Variants in KDM3A observed in about 807,000 individuals in gnomAD.
KDM3A encodes lysine demethylase 3A.
A neutral mutation model predicts 158.0 loss-of-function variants in KDM3A; 60 were observed. That is an observed-to-expected ratio of 0.38 (90% CI 0.31 to 0.47). KDM3A has a LOEUF of 0.47. Ranked by LOEUF, KDM3A falls within the 20% of genes least tolerant of loss-of-function variation. The pLI, the probability that KDM3A is intolerant of heterozygous loss-of-function variation, is 0.99. For synonymous variants in KDM3A, 608 were observed against 549.3 expected (o/e 1.11, Z -1.49); for missense variants, 1,319 against 1,574.3 (o/e 0.84, Z 2.74).
At chr2:86,483,066 C>T (rs1207286670) in intron 18 of KDM3A, 4 of 222,086 alleles carry the variant, frequency 1.8e-5, no homozygotes, top group Admixed American at 5.4e-5. Context: ...ACCCCTCTTA[C>T]CTGAATGAAA....
intron 20 of KDM3A, 104 bp from the exon 21 acceptor site, chr2:86,485,625 C>T: frequency 7.4e-7 from 1 of 1,355,570 alleles, no homozygotes; most frequent in East Asian, 2.4e-5. Context: ...TGCATGATCA[C>T]AGATGGATTT....
chr2:86,468,653 C>T (rs886764798), intron 10 of KDM3A, among the ~76,000 whole-genome samples: 7 of 152,126 alleles, frequency 4.6e-5, no homozygotes, highest in African/African-American at 1.4e-4. Context: ...GACTTCTGAG[C>T]TGTGTCCACT....
rs1231064821 is a variant in KDM3A at position 86,480,358 on chromosome 2, C to T, written c.2508C>T (p.Asn836=). Residue 836 remains asparagine, a synonymous_variant, in exon 16 of 26, where the codon AAC becomes AAT. Transcript: ENST00000312912. ...CCAGCGGGAATGTCAACAAGGAAAACAAGGGTGAGTGTTTCCTGCTTTTGT... is the reference window on the plus strand; with the variant it reads ...CCAGCGGGAATGTCAACAAGGAAAATAAGGGTGAGTGTTTCCTGCTTTTGT... The part of the protein sequence containing the change: ...DLTSGNVNKE[N]KEKQPTMPIL... 3 of 1,610,782 alleles carry T rather than the reference C, an allele frequency of 1.9e-6. No homozygotes were observed. In the Admixed American group the frequency reaches 5.0e-5, roughly 27 times the overall value.
intron 25 of KDM3A, 67 bp from the exon 26 acceptor site, chr2:86,491,972 G>T: frequency 1.0e-6 from 1 of 999,870 alleles, no homozygotes; most frequent in East Asian, 2.5e-5. Flanking sequence ...GTAGGAGGAA[G>T]CTTATTCTTA....
At chr2:86,453,886 C>T (rs1672576499) in intron 4 of KDM3A, among the ~76,000 whole-genome samples, 1 of 152,158 alleles carries the variant, frequency 6.6e-6, no homozygotes, top group Admixed American at 6.5e-5. Flanking sequence ...AAGCATAAAG[C>T]CCTGATATTG....
chr2:86,447,614 C>G (rs1471629240), intron 2 of KDM3A, among the ~76,000 whole-genome samples: 2 of 152,098 alleles, frequency 1.3e-5, no homozygotes, highest in Non-Finnish European at 2.9e-5. Context: ...CATACACTGT[C>G]TTTTAAAATA....
chr2:86,489,798 G>C (rs1674369724), intron 23 of KDM3A, 139 bp downstream of exon 23: 1 of 828,784 alleles, frequency 1.2e-6, no homozygotes, highest in African/African-American at 1.7e-5. Flanking sequence ...GATTGAATAG[G>C]CTGAAGGTGG....
intron 2 of KDM3A, chr2:86,443,310 C>T (rs1682818631): frequency 6.6e-6 from 1 of 152,196 alleles, no homozygotes; most frequent in Non-Finnish European, 1.5e-5. Context: ...ATGTTGATTT[C>T]TGAAACACTG....
At chr2:86,471,323 G>A (rs1321390739) in intron 11 of KDM3A, among the ~76,000 whole-genome samples, 1 of 151,426 alleles carries the variant, frequency 6.6e-6, no homozygotes, top group African/African-American at 2.4e-5. Context: ...ATGTGTATAT[G>A]TGTATGTGTG....
At position 86,484,909 on chromosome 2, in the gene KDM3A, A is replaced by G. The variant is rs745928585; in HGVS notation, c.3095-33A>G. ...TTATTTTGGTCTGTTTCTGAATTAT[A>G]AATAGTAATAGTTCATTCTGTTTAC... On this transcript the variant is annotated intron_variant, in intron 19 of 25. Coordinates refer to ENST00000312912, the MANE Select transcript of KDM3A (RefSeq NM_018433.6). 1.5e-6 allele frequency: 2 copies of G among 1,323,648 alleles called. 1 individual carries two copies. Among genetic ancestry groups the G allele is most frequent in the South Asian group, 2.4e-5 (2 of 83,074 alleles). 82.0% of individuals were successfully genotyped at this position (1,323,648 alleles called of 1,614,324 possible). A position where few individuals can be genotyped will look rare whatever the true frequency, so the allele number is the denominator to read the frequency against.
At chr2:86,485,549 G>A (rs1390904856) in intron 20 of KDM3A, among the ~76,000 whole-genome samples, 180 bp from the exon 21 acceptor site, 1 of 152,220 alleles carries the variant, frequency 6.6e-6, no homozygotes, top group African/African-American at 2.4e-5. Context: ...GTGTGTTGTA[G>A]GAGAGAGAGA....
chr2:86,457,253 C>T (rs1266605968), intron 8 of KDM3A, among the ~76,000 whole-genome samples, 182 bp downstream of exon 8: 2 of 152,074 alleles, frequency 1.3e-5, no homozygotes, highest in East Asian at 1.9e-4. Context: ...ACTCCTGCCT[C>T]CATAGTAGCT....
chr2:86,490,809 T>A (rs890615810), intron 23 of KDM3A, 72 bp from the exon 24 acceptor site: 2 of 1,195,428 alleles, frequency 1.7e-6, no homozygotes, highest in Non-Finnish European at 2.4e-6. Flanking sequence ...GCCAACACTG[T>A]TTAGAGGAAA....
At chr2:86,468,118 G>C (rs553984843) in intron 10 of KDM3A, among the ~76,000 whole-genome samples, 1 of 152,268 alleles carries the variant, frequency 6.6e-6, no homozygotes, top group African/African-American at 2.4e-5. Context: ...TTAACTGCAG[G>C]CCTCTGTGAA....
At chr2:86,440,664 C>T (rs1034064590), upstream of KDM3A, 5 of 152,258 alleles carry the variant, frequency 3.3e-5, no homozygotes, top group Admixed American at 1.3e-4. Context: ...AGTAACTCCA[C>T]GCCTTTCTTC....
intron 25 of KDM3A, 168 bp from the exon 26 acceptor site, chr2:86,491,871 T>C: frequency 3.4e-6 from 2 of 592,540 alleles, no homozygotes; most frequent in Non-Finnish European, 6.0e-6. Context: ...GTATGTGAAA[T>C]ACTGGTCTGA....
rs780630453 is a variant in KDM3A, at chr2:86,489,364, C to CTTAGATGTATCTGATGCAG, written c.3361_3379dup (p.Ala1127ValfsTer5). The stretch of plus-strand genomic sequence containing the variant: ...GGAAATATGGAACAACAAATCTTCA[C>CTTAGATGTATCTGATGCAG]TTAGATGTATCTGATGCAGCTAATG... On this transcript the variant is annotated frameshift_variant, in exon 22 of 26. Coordinates refer to ENST00000312912, the MANE Select transcript of KDM3A (RefSeq NM_018433.6). LOFTEE classifies it high-confidence loss of function. 6.2e-7 allele frequency: 1 copy of CTTAGATGTATCTGATGCAG among 1,613,964 alleles called. No individual in the cohort carries two copies. The highest frequency in any genetic ancestry group is 8.5e-7 in the Non-Finnish European group (1 of 1,179,900).
At chr2:86,472,218 G>T (rs181897064) in intron 11 of KDM3A, among the ~76,000 whole-genome samples, 1 of 150,844 alleles carries the variant, frequency 6.6e-6, no homozygotes, top group Admixed American at 6.6e-5. Context: ...TTGACTTTAT[G>T]ACTTAGCTGT....
At chr2:86,456,689 GT>G in intron 6 of KDM3A, 115 bp from the exon 7 acceptor site, 1 of 1,283,582 alleles carries the variant, frequency 7.8e-7, no homozygotes, top group East Asian at 2.4e-5. Flanking sequence ...AATTACAGTT[GT>G]TTTAAAAAGA....
Sources: gnomAD v4.1 joint callset for allele counts (sites outside exome capture counted in the v4.1 genomes callset) on GRCh38, gnomAD v4.1.1 for gene constraint, MANE v1.5 for transcripts, NCBI Gene and HGNC (gene_info 2026-07-23, HGNC 2026-07-21) for gene names.